COL8A1: variants seen among roughly 807,000 people sequenced by gnomAD.
The protein encoded by COL8A1 is collagen type VIII alpha 1 chain.
In COL8A1, 21 loss-of-function variants were observed where a neutral mutation model predicts 42.7. The ratio of observed to expected loss-of-function variants is 0.49; its 90% CI spans 0.35 to 0.71. COL8A1 has a LOEUF of 0.71. Among genes scored for constraint, COL8A1 ranks in the 30% least tolerant of loss-of-function variants. The pLI, the probability that COL8A1 is intolerant of heterozygous loss-of-function variation, is 0.01. For synonymous variants in COL8A1, 367 were observed against 369.1 expected (o/e 0.99, Z 0.06); for missense variants, 788 against 962.4 (o/e 0.82, Z 2.40).
chr3:99,645,080 C>A (rs11927336), intron 1 of COL8A1, among the ~76,000 whole-genome samples: 1 of 152,172 alleles, frequency 6.6e-6, no homozygotes, highest in African/African-American at 2.4e-5. Context: ...GCAGGTGGGA[C>A]GCATTTTCAA....
chr3:99,702,615 T>C (rs949096045), intron 1 of COL8A1, among the ~76,000 whole-genome samples: 2 of 152,204 alleles, frequency 1.3e-5, no homozygotes, highest in Non-Finnish European at 2.9e-5. Context: ...TAATGTCAGG[T>C]GTATCAGGTA....
chr3:99,692,322 C>A (rs937977569), intron 1 of COL8A1, among the ~76,000 whole-genome samples: 2 of 152,210 alleles, frequency 1.3e-5, no homozygotes, highest in African/African-American at 4.8e-5. Context: ...CCAAGTATGT[C>A]TCAAACAACC....
At chr3:99,653,053 A>G (rs1576414224) in intron 1 of COL8A1, among the ~76,000 whole-genome samples, 1 of 152,218 alleles carries the variant, frequency 6.6e-6, no homozygotes, top group Admixed American at 6.5e-5. Flanking sequence ...CTGCTCTAAA[A>G]TAAACTTACC....
At chr3:99,780,380 CCAGCTGGACT>C (rs1165969326) in intron 2 of COL8A1, among the ~76,000 whole-genome samples, 1 of 152,214 alleles carries the variant, frequency 6.6e-6, no homozygotes, top group Non-Finnish European at 1.5e-5. Flanking sequence ...CTCTAGTCAG[CCAGCTGGACT>C]CATTCATGCC....
chr3:99,643,854 AACAG>A (rs1300718301), intron 1 of COL8A1, among the ~76,000 whole-genome samples: 4 of 152,198 alleles, frequency 2.6e-5, no homozygotes, highest in African/African-American at 9.6e-5. Flanking sequence ...TCTTCCACCC[AACAG>A]ACAAAGTGTT....
intron 1 of COL8A1, among the ~76,000 whole-genome samples, chr3:99,676,576 A>T (rs141893678): frequency 6.6e-6 from 1 of 152,270 alleles, no homozygotes; most frequent in African/African-American, 2.4e-5. Context: ...AACCAAGAAG[A>T]CTTCCTTGAC....
intron 1 of COL8A1, among the ~76,000 whole-genome samples, chr3:99,645,374 A>G (rs1470558417): frequency 1.3e-5 from 2 of 152,036 alleles, no homozygotes; most frequent in Non-Finnish European, 2.9e-5. Flanking sequence ...TAGGTAGCCA[A>G]GATTGTTGAG....
At chr3:99,792,298 T>G (rs1387093526) in intron 3 of COL8A1, among the ~76,000 whole-genome samples, 1 of 152,226 alleles carries the variant, frequency 6.6e-6, no homozygotes, top group African/African-American at 2.4e-5. Flanking sequence ...GATCCTCATA[T>G]CTCGAAATGA....
At chr3:99,746,014 ATAATTAAAAGAATGAATTGC>A (rs1941017954) in intron 2 of COL8A1, among the ~76,000 whole-genome samples, 1 of 152,106 alleles carries the variant, frequency 6.6e-6, no homozygotes, top group African/African-American at 2.4e-5. Flanking sequence ...ATTTTATTTC[ATAATTAAAAGAATGAATTGC>A]TAAGATTCCC....
chr3:99,680,489 A>G (rs1429312426), intron 1 of COL8A1: 2 of 152,200 alleles, frequency 1.3e-5, no homozygotes, highest in Admixed American at 6.5e-5. Flanking sequence ...AGCATGATTT[A>G]TAATCCTTTG....
rs1942053757 is a variant in COL8A1 at position 99,794,043 on chromosome 3, T to C, written c.329-187T>C. Among the ~76,000 whole-genome samples, 1 of 152,234 alleles carries C rather than the reference T, an allele frequency of 6.6e-6. No individual in the cohort carries two copies. Among genetic ancestry groups the C allele is most frequent in the Non-Finnish European group, 1.5e-5 (1 of 68,042 alleles). On this transcript the variant is annotated intron_variant, in intron 3 of 3. Transcript: ENST00000652472. The surrounding 1 kb of genome is among the most constrained non-coding windows in gnomAD (Gnocchi z 4.3). ...GTAGGATTACAGGCACGAGCCACCA[T>C]GCCAGGCCTGATTTTTAAGGTCTAG...
chr3:99,733,434 T>A (rs1371645913), intron 1 of COL8A1, among the ~76,000 whole-genome samples: 1 of 106,184 alleles, frequency 9.4e-6, no homozygotes, highest in African/African-American at 3.9e-5. Context: ...TTACTGAGAA[T>A]GATGATTTCC....
intron 2 of COL8A1, among the ~76,000 whole-genome samples, chr3:99,745,952 G>A (rs937473191): frequency 2.6e-5 from 4 of 151,966 alleles, no homozygotes; most frequent in Admixed American, 1.3e-4. Flanking sequence ...TTGGACACAC[G>A]ACTCAATATT....
rs368449011 is a variant in COL8A1 at position 99,794,690 on chromosome 3, C to T, written c.789C>T (p.Pro263=). Residue 263 remains proline (P), a synonymous_variant, in exon 4 of 4, where the codon CCC becomes CCT. Transcript: ENST00000652472. This position sits in a 1 kb window ranked among gnomAD's most constrained non-coding sequence, Gnocchi z 4.3. The stretch of plus-strand genomic sequence containing the variant: ...GGCCTCCAGGGATGCACGGCCCTCC[C>T]GGCCCTGTTGGACTGCCAGGAGTGG... ...VKGPPGMHGP[P]GPVGLPGVGK... 22 of 1,613,052 alleles carry T rather than the reference C, an allele frequency of 1.4e-5. No homozygotes were observed. Among genetic ancestry groups the T allele is most frequent in the Admixed American group, 1.7e-5 (1 of 59,894 alleles).
chr3:99,657,674 A>G (rs1342651034), intron 1 of COL8A1, among the ~76,000 whole-genome samples: 1 of 152,158 alleles, frequency 6.6e-6, no homozygotes, highest in African/African-American at 2.4e-5. Context: ...GATACAGTAG[A>G]GGAGCTATTT....
At position 99,717,718 on chromosome 3, in the gene COL8A1, T is replaced by G. The variant is rs76150043; in HGVS notation, c.-128-27179T>G. Among the ~76,000 whole-genome samples the G allele has an allele frequency of 6.7e-3, 1,023 of 152,082 alleles. 16 individuals carry two copies. Among genetic ancestry groups the G allele is most frequent in the African/African-American group, 0.023 (965 of 41,532 alleles). On this transcript the variant is annotated intron_variant, in intron 1 of 3. Transcript: ENST00000652472. The stretch of plus-strand genomic sequence containing the variant: ...GTATATAACTTAAAACCTCTCTTAC[T>G]CTAGTGATGGCTCTTATTTTTTTAA...
Position 99,697,368 on chromosome 3 carries a change from C to T in COL8A1, c.-128-47529C>T, listed in dbSNP as rs559027657. 4.6e-5 allele frequency among the ~76,000 whole-genome samples: 7 copies of T among 152,198 alleles called. No homozygotes were observed. The South Asian group carries it at 1.2e-3, about 27-fold the overall frequency. ...TGTTAACTACAGGAGATATTAAAGG[C>T]GTAGCTGCTACAAAGAAAGCTTTGG... On this transcript the variant is annotated intron_variant, in intron 1 of 3. Transcript: ENST00000652472.
chr3:99,782,623 C>T (rs1428584087), intron 2 of COL8A1, among the ~76,000 whole-genome samples: 2 of 152,120 alleles, frequency 1.3e-5, no homozygotes, highest in Non-Finnish European at 2.9e-5. Context: ...AACACCTGAC[C>T]TCAGGTGATC....
In COL8A1 at chr3:99,665,943, G is replaced by A. The variant is rs528403800; in HGVS notation, c.-129+27279G>A. 6.6e-5 allele frequency among the ~76,000 whole-genome samples: 10 copies of A among 151,560 alleles called. No homozygotes were observed. The East Asian group carries it at 1.4e-3, about 21-fold the overall frequency. On this transcript the variant is annotated intron_variant, in intron 1 of 3. Coordinates refer to ENST00000652472, the MANE Select transcript of COL8A1 (RefSeq NM_020351.4). The stretch of plus-strand genomic sequence containing the variant: ...TAACCTCAAGTGATCTGCCCGCCTC[G>A]GACTCCTAAAGTGCTGGGATTACAG...
Sources: allele counts gnomAD v4.1 joint callset (sites outside exome capture counted in the v4.1 genomes callset), GRCh38; gene constraint gnomAD v4.1.1; non-coding constraint Gnocchi (gnomAD v3.1); transcripts MANE v1.5; gene names NCBI Gene and HGNC (gene_info 2026-07-23, HGNC 2026-07-21).